SSH2: variants seen among roughly 807,000 people sequenced by gnomAD.
SSH2 encodes slingshot protein phosphatase 2, also known as protein phosphatase Slingshot homolog 2.
Under a neutral mutation model 135.2 loss-of-function variants are expected in SSH2, and 37 were observed. The ratio of observed to expected loss-of-function variants is 0.27; its 90% CI spans 0.21 to 0.36. The LOEUF is 0.36. SSH2 is among the 10% of genes least tolerant of loss of function. The pLI, the probability that SSH2 is intolerant of heterozygous loss-of-function variation, is 1.00. For missense variants in SSH2, 1,408 were observed against 1,765.3 expected, an observed-to-expected ratio of 0.80 and a Z score of 3.63; for synonymous variants, 628 against 646.2, an observed-to-expected ratio of 0.97 and a Z score of 0.43.
At chr17:29,687,527 G>A (rs547778522) in intron 5 of SSH2, among the ~76,000 whole-genome samples, 29 of 152,242 alleles carry the variant, frequency 1.9e-4, no homozygotes, top group Non-Finnish European at 3.7e-4. Context: ...GATCAAGGGT[G>A]GGATATTATA....
In SSH2 at chr17:29,648,291, G is replaced by A; in HGVS notation, c.1280C>T (p.Ala427Val). 6.2e-7 allele frequency: 1 copy of A among 1,614,172 alleles called. No homozygotes were observed. The highest frequency in any genetic ancestry group is 1.1e-5 in the South Asian group (1 of 91,078). Reference protein sequence around the residue: ...VHCKMGVSRSASTVIAYAMKE... With the variant: ...VHCKMGVSRSVSTVIAYAMKE... Reference sequence around the variant, plus strand: ...CATTGCATAGGCAATCACGGTGGAGGCTGAGCGACTCACCCCCATTTTGCA... The same window carrying A: ...CATTGCATAGGCAATCACGGTGGAGACTGAGCGACTCACCCCCATTTTGCA... Residue 427 changes from alanine to valine, a missense_variant, in exon 14 of 16, where the codon GCC (alanine) becomes GTC (valine). Ala to Val is a moderately conservative substitution (Grantham distance 64). Transcript: ENST00000540801.
At chr17:29,800,231 A>G (rs1210667298) in intron 2 of SSH2, among the ~76,000 whole-genome samples, 1 of 152,240 alleles carries the variant, frequency 6.6e-6, no homozygotes. Context: ...AAAAAAACTA[A>G]GCATATCAAA....
chr17:29,828,295 CT>C (rs1339263903), intron 2 of SSH2, among the ~76,000 whole-genome samples: 1 of 152,162 alleles, frequency 6.6e-6, no homozygotes, highest in East Asian at 1.9e-4. Context: ...GCTCTTTTAT[CT>C]TCTTAAGCTA....
At chr17:29,864,797 TG>T (rs2065826983) in intron 1 of SSH2, among the ~76,000 whole-genome samples, 1 of 152,204 alleles carries the variant, frequency 6.6e-6, no homozygotes, top group Non-Finnish European at 1.5e-5. Flanking sequence ...CTCTAAGCAG[TG>T]ATTCTCAGTG....
chr17:29,835,310 TA>T (rs1383031398), intron 2 of SSH2, among the ~76,000 whole-genome samples: 1 of 152,146 alleles, frequency 6.6e-6, no homozygotes, highest in East Asian at 1.9e-4. Flanking sequence ...TGGAAAACCC[TA>T]AAACAAAAAC....
intron 2 of SSH2, among the ~76,000 whole-genome samples, chr17:29,814,130 C>CA (rs1402714927): frequency 0.11 from 2,167 of 20,270 alleles, 103 homozygotes; most frequent in Middle Eastern, 0.14. Context: ...GACTTCGTCT[C>CA]AAAAAAAAAA....
intron 1 of SSH2, among the ~76,000 whole-genome samples, chr17:29,917,314 T>C (rs1488894943): frequency 6.6e-6 from 1 of 152,256 alleles, no homozygotes; most frequent in Non-Finnish European, 1.5e-5. Context: ...CTTCCATCTT[T>C]TCCAATTTAG....
intron 1 of SSH2, among the ~76,000 whole-genome samples, chr17:29,854,891 G>T (rs545020606): frequency 6.6e-6 from 1 of 152,234 alleles, no homozygotes; most frequent in South Asian, 2.1e-4. Context: ...AGGTTGCAGT[G>T]AGCCGAGATT....
At chr17:29,637,874 G>A (rs923441949) in intron 14 of SSH2, among the ~76,000 whole-genome samples, 1 of 152,108 alleles carries the variant, frequency 6.6e-6, no homozygotes, top group South Asian at 2.1e-4. Flanking sequence ...AGCACTTTGG[G>A]AGGCTAAGGC....
intron 3 of SSH2, among the ~76,000 whole-genome samples, chr17:29,786,427 TC>T (rs2041965804): frequency 6.6e-6 from 1 of 152,148 alleles, no homozygotes; most frequent in African/African-American, 2.4e-5. Flanking sequence ...TTGCAGAAAG[TC>T]CCTGTTCCCC....
chr17:29,849,060 T>C (rs534914861), intron 1 of SSH2, 131 bp from the exon 2 acceptor site: 3 of 564,186 alleles, frequency 5.3e-6, no homozygotes, highest in South Asian at 2.4e-5. Context: ...TGATTAGTGA[T>C]GGCTATTTTG....
chr17:29,854,947 A>C (rs1016221331), intron 1 of SSH2, among the ~76,000 whole-genome samples: 1 of 152,082 alleles, frequency 6.6e-6, no homozygotes, highest in African/African-American at 2.4e-5. Flanking sequence ...ACTCCATCTA[A>C]AAAACAAACA....
intron 2 of SSH2, among the ~76,000 whole-genome samples, chr17:29,842,501 C>A (rs1369040847): frequency 1.3e-5 from 2 of 150,330 alleles, no homozygotes; most frequent in Non-Finnish European, 1.5e-5. Flanking sequence ...TGGGCAGCCA[C>A]AATGAGAACC....
intron 11 of SSH2, among the ~76,000 whole-genome samples, chr17:29,661,337 A>G (rs2037032473): frequency 6.6e-6 from 1 of 152,208 alleles, no homozygotes; most frequent in African/African-American, 2.4e-5. Context: ...GGATAGACAA[A>G]CGTTTGTTAA....
intron 5 of SSH2, among the ~76,000 whole-genome samples, chr17:29,688,028 C>T (rs538865702): frequency 8.4e-4 from 117 of 139,446 alleles, no homozygotes; most frequent in Middle Eastern, 3.6e-3. Flanking sequence ...TTTTATTTTT[C>T]GAGATGGAGT....
At chr17:29,671,321 A>G (rs985795241) in intron 9 of SSH2, among the ~76,000 whole-genome samples, 2 of 152,138 alleles carry the variant, frequency 1.3e-5, no homozygotes, top group African/African-American at 4.8e-5. Context: ...CTAAAAAAAT[A>G]AAAATTTAAA....
At position 29,631,922 on chromosome 17, in the gene SSH2, A is replaced by C. The variant is rs1206863702; in HGVS notation, c.3272T>G (p.Leu1091Arg). 1.9e-6 allele frequency: 3 copies of C among 1,614,214 alleles called. No homozygotes were observed. The highest frequency in any genetic ancestry group is 2.5e-6 in the Non-Finnish European group (3 of 1,180,036). The stretch of plus-strand genomic sequence containing the variant: ...GTGCAGAGAAACCTGGTTGGGGTCC[A>C]GAGTCCTGTTTAGATTTTCATCCAG... Reference protein sequence around the residue: ...CTLDENLNRTLDPNQVSLHPQ... With the variant: ...CTLDENLNRTRDPNQVSLHPQ... The change falls in exon 16 of 16, where the codon CTG becomes CGG. Residue 1091 changes from leucine (L) to arginine (R), a missense_variant. By Grantham distance (102) the Leu-to-Arg change is moderately radical. Coordinates refer to ENST00000540801, the MANE Select transcript of SSH2 (RefSeq NM_001282129.2).
intron 3 of SSH2, among the ~76,000 whole-genome samples, chr17:29,725,847 A>G (rs2039985829): frequency 6.6e-6 from 1 of 152,202 alleles, no homozygotes; most frequent in Admixed American, 6.5e-5. Context: ...GCAAACCACC[A>G]TGGCACATGT....
chr17:29,751,575 G>A (rs974442787), intron 3 of SSH2, among the ~76,000 whole-genome samples: 4 of 152,038 alleles, frequency 2.6e-5, no homozygotes, highest in African/African-American at 9.7e-5. Context: ...AACAATGCAG[G>A]TTTGTTTGCA....
Sources: allele counts gnomAD v4.1 joint callset (sites outside exome capture counted in the v4.1 genomes callset), GRCh38; gene constraint gnomAD v4.1.1; transcripts MANE v1.5; gene names NCBI Gene and HGNC (gene_info 2026-07-23, HGNC 2026-07-21).